The following FBXL7 variants were observed in gnomAD, a reference collection of about 807,000 sequenced individuals.
FBXL7 encodes the protein F-box/LRR-repeat protein 7.
A neutral mutation model predicts 38.3 loss-of-function variants in FBXL7; 12 were observed. The observed-to-expected ratio is 0.31, with a 90% CI of 0.20 to 0.51. FBXL7 has a LOEUF of 0.51. Ranked by LOEUF, FBXL7 falls within the 20% of genes least tolerant of loss-of-function variation. The pLI, the probability that FBXL7 is intolerant of heterozygous loss-of-function variation, is 0.98. For synonymous variants in FBXL7, 297 were observed against 300.9 expected (o/e 0.99, Z 0.13); for missense variants, 567 against 676.4 (o/e 0.84, Z 1.79).
intron 2 of FBXL7, among the ~76,000 whole-genome samples, chr5:15,901,034 A>C (rs1741221005): frequency 6.6e-6 from 1 of 152,214 alleles, no homozygotes; most frequent in Admixed American, 6.5e-5. Flanking sequence ...AAAAATCAGA[A>C]GTAGATTCTT....
intron 2 of FBXL7, among the ~76,000 whole-genome samples, chr5:15,923,752 G>C (rs904559041): frequency 6.6e-6 from 1 of 152,152 alleles, no homozygotes; most frequent in African/African-American, 2.4e-5. Context: ...AGGAATCAGA[G>C]ACTCTTGGTG....
chr5:15,586,333 ATCTC>A (rs1448853360), intron 1 of FBXL7, among the ~76,000 whole-genome samples: 2 of 105,082 alleles, frequency 1.9e-5, no homozygotes, highest in Non-Finnish European at 3.7e-5. Flanking sequence ...CTCCCTCTCC[ATCTC>A]TCTCTTTCTC....
chr5:15,540,398 C>T (rs547727052), intron 1 of FBXL7, among the ~76,000 whole-genome samples: 1 of 152,296 alleles, frequency 6.6e-6, no homozygotes, highest in African/African-American at 2.4e-5. Flanking sequence ...TTTAAAATCT[C>T]TACAACCCAA....
At chr5:15,919,556 C>T (rs1239736532) in intron 2 of FBXL7, among the ~76,000 whole-genome samples, 2 of 152,052 alleles carry the variant, frequency 1.3e-5, no homozygotes. Context: ...TTAATGGAAC[C>T]ACAAGTTCTT....
chr5:15,807,607 ACTGTTT>A (rs1479815219), intron 2 of FBXL7, among the ~76,000 whole-genome samples: 1 of 152,116 alleles, frequency 6.6e-6, no homozygotes, highest in Non-Finnish European at 1.5e-5. Flanking sequence ...TTAATTGCAA[ACTGTTT>A]CTAATCAAAT....
At chr5:15,723,399 A>G (rs1744256679) in intron 2 of FBXL7, among the ~76,000 whole-genome samples, 1 of 152,232 alleles carries the variant, frequency 6.6e-6, no homozygotes, top group Non-Finnish European at 1.5e-5. Context: ...AGTTTAATCT[A>G]CATTATTAAC....
intron 2 of FBXL7, among the ~76,000 whole-genome samples, chr5:15,863,978 G>C (rs891301395): frequency 5.9e-5 from 9 of 152,158 alleles, no homozygotes; most frequent in Non-Finnish European, 1.3e-4. Flanking sequence ...CTATTGACTA[G>C]AGTTACGGAT....
At chr5:15,642,576 A>G (rs1741402844) in intron 2 of FBXL7, among the ~76,000 whole-genome samples, 1 of 152,250 alleles carries the variant, frequency 6.6e-6, no homozygotes, top group African/African-American at 2.4e-5. Flanking sequence ...ACATGATGTG[A>G]GAACTAACTG....
intron 2 of FBXL7, among the ~76,000 whole-genome samples, chr5:15,844,664 C>G (rs1738843326): frequency 6.6e-6 from 1 of 152,182 alleles, no homozygotes; most frequent in Non-Finnish European, 1.5e-5. Flanking sequence ...GAGCATCACT[C>G]AAACCCAAGA....
At chr5:15,544,693 T>C (rs1354379719) in intron 1 of FBXL7, among the ~76,000 whole-genome samples, 2 of 152,174 alleles carry the variant, frequency 1.3e-5, no homozygotes, top group African/African-American at 4.8e-5. Flanking sequence ...GATACAGAGT[T>C]TGCTTGTGAG....
At chr5:15,785,687 C>T (rs1271730741) in intron 2 of FBXL7, among the ~76,000 whole-genome samples, 1 of 152,178 alleles carries the variant, frequency 6.6e-6, no homozygotes, top group African/African-American at 2.4e-5. Flanking sequence ...GTGGATTACC[C>T]CATTAGAAAC....
rs1736455421 is a variant in FBXL7 at position 15,500,403 on chromosome 5, G to A, written c.-274G>A. 6.5e-6 allele frequency: 2 copies of A among 309,876 alleles called. No individual in the cohort carries two copies. Among genetic ancestry groups the A allele is most frequent in the African/African-American group, 2.3e-5 (1 of 44,030 alleles). 19.2% of individuals were successfully genotyped at this position (309,876 alleles called of 1,614,324 possible). On this transcript the variant is annotated 5_prime_UTR_variant, in exon 1 of 4. It adds an upstream start codon to the 5' untranslated region. Coordinates refer to ENST00000504595, the MANE Select transcript of FBXL7 (RefSeq NM_012304.5). Reference sequence around the variant, plus strand: ...TCTGGGCGGCCCCGGGGCGCGGGCTGTGCGCGGCGCTGCGCCCGCCGGCCC... The same window carrying A: ...TCTGGGCGGCCCCGGGGCGCGGGCTATGCGCGGCGCTGCGCCCGCCGGCCC...
intron 2 of FBXL7, among the ~76,000 whole-genome samples, chr5:15,666,974 A>G (rs1481169725): frequency 1.3e-5 from 2 of 152,202 alleles, no homozygotes; most frequent in Non-Finnish European, 2.9e-5. Context: ...GTAATCTTTT[A>G]TAAGAGTTTT....
In FBXL7 at chr5:15,518,561, A is replaced by T. The variant is rs1737009595; in HGVS notation, c.37+17848A>T. On this transcript the variant is annotated intron_variant, in intron 1 of 3. Coordinates refer to ENST00000504595, the MANE Select transcript of FBXL7 (RefSeq NM_012304.5). Reference sequence around the variant, plus strand: ...GGGTGAGGCTTTCATGGGGGAAATGAAGGTAGAAGCTACAGGACTTGGTGA... The same window carrying T: ...GGGTGAGGCTTTCATGGGGGAAATGTAGGTAGAAGCTACAGGACTTGGTGA... Among the ~76,000 whole-genome samples, 3 of 152,226 alleles carry T rather than the reference A, an allele frequency of 2.0e-5. No homozygotes were observed. In the South Asian group the frequency reaches 6.2e-4, roughly 32 times the overall value.
At chr5:15,714,892 A>T (rs1579401222) in intron 2 of FBXL7, among the ~76,000 whole-genome samples, 1 of 151,254 alleles carries the variant, frequency 6.6e-6, no homozygotes, top group Admixed American at 6.6e-5. Flanking sequence ...TCGGAATCAT[A>T]GAAGACATCC....
chr5:15,520,838 T>C (rs909159978), intron 1 of FBXL7, among the ~76,000 whole-genome samples: 8 of 152,230 alleles, frequency 5.3e-5, no homozygotes, highest in Non-Finnish European at 8.8e-5. Flanking sequence ...GTCATTTGTT[T>C]CTTTAATAAT....
intron 1 of FBXL7, among the ~76,000 whole-genome samples, chr5:15,604,783 G>A (rs1739950471): frequency 2.0e-5 from 3 of 152,242 alleles, no homozygotes; most frequent in Middle Eastern, 3.4e-3. Flanking sequence ...TGCTTGTGTG[G>A]TATTGAGTGG....
chr5:15,715,415 T>C (rs1194101347), intron 2 of FBXL7, among the ~76,000 whole-genome samples: 4 of 139,842 alleles, frequency 2.9e-5, no homozygotes, highest in Admixed American at 1.6e-4. Context: ...CGCTTGAACC[T>C]GGGAGTCGGA....
chr5:15,839,673 A>G (rs974401274), intron 2 of FBXL7, among the ~76,000 whole-genome samples: 1 of 152,164 alleles, frequency 6.6e-6, no homozygotes, highest in Non-Finnish European at 1.5e-5. Flanking sequence ...AAATAGTAAT[A>G]AAGGCGTTAC....
Sources: gnomAD v4.1 joint callset for allele counts (sites outside exome capture counted in the v4.1 genomes callset) on GRCh38, gnomAD v4.1.1 for gene constraint, MANE v1.5 for transcripts, NCBI Gene and HGNC (gene_info 2026-07-23, HGNC 2026-07-21) for gene names.